Variants in ZAN observed in about 807,000 individuals in gnomAD.
ZAN encodes the protein zonadhesin, also known as zonadhesin (gene/pseudogene).
ZAN carries 260 observed loss-of-function variants against 286.2 expected under a neutral mutation model. The ratio of observed to expected loss-of-function variants is 0.91; its 90% confidence interval spans 0.82 to 1.01. ZAN has a LOEUF of 1.01. Ranked by LOEUF, ZAN falls within the 50% of genes least tolerant of loss-of-function variation. ZAN has a pLI of 0.00. For synonymous variants in ZAN, 1,368 were observed against 1,417.5 expected (o/e 0.97, Z 0.79); for missense variants, 3,410 against 3,639.2 (o/e 0.94, Z 1.62).
At chr7:100,773,957 T>C in intron 31 of ZAN, 92 bp downstream of exon 31, 3 of 1,489,478 alleles carry the variant, frequency 2.0e-6, no homozygotes, top group Non-Finnish European at 2.7e-6. Flanking sequence ...TAGCACTGGG[T>C]TTCAGGTTTT....
At position 100,779,580 on chromosome 7, in the gene ZAN, C is replaced by T; in HGVS notation, c.6452C>T (p.Ala2151Val). 1.2e-6 allele frequency: 2 copies of T among 1,609,966 alleles called. No homozygotes were observed. The highest frequency in any genetic ancestry group is 3.4e-5 in the Admixed American group (2 of 59,310). Residue 2151 changes from alanine (A) to valine (V), a missense_variant, in exon 35 of 48, where the codon GCC (alanine) becomes GTC (valine). This residue lies in a region of ZAN where 1,289 missense variants were observed against 1,314.3 expected (regional missense o/e 0.98). Transcript: ENST00000613979. ...CEAALRAPVW[A>V]QCASRIDLTP... ...GCAGCGCTCCGGGCTCCTGTGTGGG[C>T]CCAGTGCGCCTCCCGCATAGACCTC... is the stretch of plus-strand genomic sequence containing the variant.
At chr7:100,753,582 G>A (rs1025528883) in intron 14 of ZAN, among the ~76,000 whole-genome samples, 9 of 151,942 alleles carry the variant, frequency 5.9e-5, no homozygotes. Context: ...CAGCACTTTG[G>A]GGGGCCAAGG....
At chr7:100,771,106 A>G (rs1310043077) in intron 28 of ZAN, among the ~76,000 whole-genome samples, 1 of 151,916 alleles carries the variant, frequency 6.6e-6, no homozygotes, top group Non-Finnish European at 1.5e-5. Flanking sequence ...GCCTGGCCTA[A>G]TTTTTAAATA....
chr7:100,750,219 C>T (rs1422643570), intron 11 of ZAN, among the ~76,000 whole-genome samples: 1 of 151,818 alleles, frequency 6.6e-6, no homozygotes, highest in Non-Finnish European at 1.5e-5. Flanking sequence ...TCACTGCAAC[C>T]TCCACCTCCG....
intron 35 of ZAN, among the ~76,000 whole-genome samples, chr7:100,783,766 A>ATG (rs1705942622): frequency 4.2e-5 from 1 of 23,710 alleles, no homozygotes; most frequent in Non-Finnish European, 8.5e-5. Context: ...AAAAAAAAAT[A>ATG]TATATATATA....
chr7:100,777,264 C>G (rs1047396280), intron 34 of ZAN, among the ~76,000 whole-genome samples: 1 of 152,016 alleles, frequency 6.6e-6, no homozygotes, highest in East Asian at 1.9e-4. Flanking sequence ...AGGCTGGTCT[C>G]GAGCTCCTGA....
intron 12 of ZAN, 120 bp downstream of exon 12, chr7:100,751,016 C>A: frequency 6.9e-7 from 1 of 1,446,404 alleles, no homozygotes; most frequent in Non-Finnish European, 9.2e-7. Context: ...AAAAGGGGAA[C>A]TTCGTGTTAC....
chr7:100,769,478 T>TCCTTTCCTTTCCTTCTCTTC (rs1342192122), intron 27 of ZAN, among the ~76,000 whole-genome samples: 33 of 152,108 alleles, frequency 2.2e-4, no homozygotes, highest in South Asian at 4.2e-4. Flanking sequence ...TTCTTTTCTT[T>TCCTTTCCTTTCCTTCTCTTC]CCTTTCCTTT....
At chr7:100,772,871 T>G (rs1484373054) in intron 29 of ZAN, among the ~76,000 whole-genome samples, 2 of 145,230 alleles carry the variant, frequency 1.4e-5, no homozygotes, top group South Asian at 2.2e-4. Context: ...TTTTTTTTTG[T>G]TTGTTTTTTT....
chr7:100,751,075 C>A, intron 12 of ZAN, 107 bp from the exon 13 acceptor site: 1 of 1,343,638 alleles, frequency 7.4e-7, no homozygotes, highest in Non-Finnish European at 1.0e-6. Flanking sequence ...GAGGCTGGAA[C>A]AAGGCGACAT....
chr7:100,771,297 C>A (rs1226348096), intron 28 of ZAN, among the ~76,000 whole-genome samples: 1 of 152,118 alleles, frequency 6.6e-6, no homozygotes, highest in African/African-American at 2.4e-5. Context: ...AGTGCAATGG[C>A]ACAATCATAG....
rs777098000 is a variant in ZAN at position 100,793,873 on chromosome 7, G to A, written c.7841G>A (p.Ser2614Asn). Residue 2614 changes from serine (S) to asparagine (N), a missense_variant, in exon 43 of 48, where the codon AGC (serine) becomes AAC (asparagine). Ser to Asn is a conservative substitution (Grantham distance 46). Coordinates refer to ENST00000613979, the MANE Select transcript of ZAN (RefSeq NM_003386.3). The stretch of plus-strand genomic sequence containing the variant: ...TCAGAGCTGTATGACACCCTGCCCA[G>A]CATCCTGTGCCAACCTGGCAGACCC... ...HISELYDTLP[S>N]ILCQPGRPRG... The A allele has an allele frequency of 1.2e-6, 2 of 1,613,718 alleles. No homozygotes were observed. The highest frequency in any genetic ancestry group is 1.7e-6 in the Non-Finnish European group (2 of 1,179,756).
chr7:100,792,127 T>C lies in ZAN; in HGVS notation c.7691T>C (p.Val2564Ala), dbSNP rs760262455. 1 of 1,610,818 alleles carries C rather than the reference T, an allele frequency of 6.2e-7. No homozygotes were observed. The highest frequency in any genetic ancestry group is 1.3e-5 in the African/African-American group (1 of 74,862). ...QGPFAACHQT[V>A]APEPFQEHCV... is the part of the protein sequence containing the mutation. ...CCCTTTGCTGCCTGTCACCAGACGG[T>C]GGCCCCAGAGCCCTTCCAAGAGTGA... is the stretch of plus-strand genomic sequence containing the variant. Residue 2564 changes from valine (V) to alanine (A), a missense_variant, in exon 41 of 48, where the codon GTG (valine) becomes GCG (alanine). Physicochemically the swap from Val to Ala is moderately conservative, Grantham distance 64 (BLOSUM62 0). This residue lies in a region of ZAN where 1,289 missense variants were observed against 1,314.3 expected (regional missense o/e 0.98). Transcript: ENST00000613979.
At chr7:100,765,788 A>G (rs1355978446) in intron 23 of ZAN, among the ~76,000 whole-genome samples, 1 of 151,874 alleles carries the variant, frequency 6.6e-6, no homozygotes. Flanking sequence ...AGCTGGGACT[A>G]CAGGCATGCA....
chr7:100,749,679 C>T (rs1385521185), intron 11 of ZAN, among the ~76,000 whole-genome samples: 12 of 139,658 alleles, frequency 8.6e-5, no homozygotes, highest in Admixed American at 8.0e-4. Flanking sequence ...TATATATACA[C>T]ACACACACAT....
chr7:100,753,136 G>A lies in ZAN; in HGVS notation c.3031G>A (p.Gly1011Arg), dbSNP rs769247076. 2 of 1,613,840 alleles carry A rather than the reference G, an allele frequency of 1.2e-6. No individual in the cohort carries two copies. The highest frequency in any genetic ancestry group is 1.7e-6 in the Non-Finnish European group (2 of 1,179,878). ...ACCCCATCCCAGCCCCACAGCCACT[G>A]GGCTGGCAGCCTTGGTGATGTCTCC... ...RPPHPSPTATGLAALVMSPHA... is the reference protein window; with the variant it reads ...RPPHPSPTATRLAALVMSPHA... Residue 1011 changes from glycine (G) to arginine (R), a missense_variant, in exon 14 of 48, where the codon GGG (glycine) becomes AGG (arginine). Around this residue, in one of 7 missense-constraint regions of ZAN, gnomAD observed 1,042 missense variants for 1,058.0 expected, o/e 0.98. Transcript: ENST00000613979.
chr7:100,752,744 T>G lies in ZAN; in HGVS notation c.2639T>G (p.Ile880Ser). The G allele has an allele frequency of 6.5e-7, 1 of 1,532,896 alleles. No homozygotes were observed. The highest frequency in any genetic ancestry group is 8.9e-7 in the Non-Finnish European group (1 of 1,129,892). The allele number at this position is 1,532,896 out of a possible 1,614,324, so 95.0% of individuals were successfully genotyped here. A position where few individuals can be genotyped will look rare whatever the true frequency, so the allele number is the denominator to read the frequency against. The change falls in exon 14 of 48, where the codon ATC (isoleucine) becomes AGC (serine). Residue 880 changes from isoleucine (I) to serine (S), a missense_variant. Transcript: ENST00000613979. ...ACCATCCCCACGGAAAAACTCACCA[T>G]CCCCACGGAAAAACCCACCATCCCC... ...KLTIPTEKLTIPTEKPTIPIE... is the reference protein window; with the variant it reads ...KLTIPTEKLTSPTEKPTIPIE...
At position 100,738,840 on chromosome 7, in the gene ZAN, CTCT is replaced by C. The variant is rs1168390863; in HGVS notation, c.766+241_766+243del. ...CCAGCTCCTCATCTCCTTTCTGTGG[CTCT>C]TCTTCTTCTTCTTTCTCTTCCTCTT... On this transcript the variant is annotated intron_variant, in intron 7 of 47. Transcript: ENST00000613979. 1.7e-4 allele frequency among the ~76,000 whole-genome samples: 21 copies of C among 123,220 alleles called. 3 individuals carry two copies. The highest frequency in any genetic ancestry group is 4.7e-4 in the East Asian group (2 of 4,270). 80.8% of individuals were successfully genotyped at this position (123,220 alleles called of 152,430 possible). A position where few individuals can be genotyped will look rare whatever the true frequency, so the allele number is the denominator to read the frequency against.
At chr7:100,747,515 A>G in intron 8 of ZAN, 35 bp from the exon 9 acceptor site, 1 of 1,594,892 alleles carries the variant, frequency 6.3e-7, no homozygotes, top group Non-Finnish European at 8.6e-7. Context: ...CAGTCCCCTT[A>G]AGCTCACTTC....
Sources: gnomAD v4.1 joint callset for allele counts (sites outside exome capture counted in the v4.1 genomes callset) on GRCh38, gnomAD v4.1.1 for gene constraint, gnomAD v4.1.1 regional missense constraint, MANE v1.5 for transcripts, NCBI Gene and HGNC (gene_info 2026-07-23, HGNC 2026-07-21) for gene names.